The following SEC23B variants were observed in gnomAD, a reference collection of about 807,000 sequenced individuals.
SEC23B encodes protein transport protein Sec23B.
Under a neutral mutation model 104.3 loss-of-function variants are expected in SEC23B, and 77 were observed. The observed-to-expected ratio is 0.74, with a 90% CI of 0.61 to 0.89. SEC23B has a LOEUF of 0.89. Among genes scored for constraint, SEC23B ranks in the 40% least tolerant of loss-of-function variants. The pLI is 0.00. For missense variants in SEC23B, 885 were observed against 949.4 expected (o/e 0.93, Z 0.89); for synonymous variants, 338 against 332.5 (o/e 1.02, Z -0.18).
Position 18,524,384 on chromosome 20 carries a change from TTAAGTC to T in SEC23B, c.367-46_367-41del, listed in dbSNP as rs778176997. The T allele has an allele frequency of 8.7e-6, 12 of 1,385,932 alleles. No homozygotes were observed. The African/African-American group carries it at 1.6e-4, about 18-fold the overall frequency. The allele number at this position is 1,385,932 out of a possible 1,614,324, so 85.9% of individuals were successfully genotyped here. On this transcript the variant is annotated intron_variant, in intron 4 of 19. Coordinates refer to ENST00000650089, the MANE Select transcript of SEC23B (RefSeq NM_006363.6). The stretch of plus-strand genomic sequence containing the variant: ...CCTAATTTGCCTTAAAAAGTGCTGG[TTAAGTC>T]TATTTGTATATTGATCATTATGCTG...
chr20:18,547,713 TCTC>T (rs1326561080), intron 15 of SEC23B, among the ~76,000 whole-genome samples: 1 of 151,938 alleles, frequency 6.6e-6, no homozygotes, highest in African/African-American at 2.4e-5. Flanking sequence ...CTCTAGGAAG[TCTC>T]CTCCTGGCCC....
At chr20:18,549,483 GT>G (rs567867624) in intron 16 of SEC23B, among the ~76,000 whole-genome samples, 134 of 151,952 alleles carry the variant, frequency 8.8e-4, no homozygotes, top group Non-Finnish European at 1.7e-3. Context: ...TCCAAGATTG[GT>G]TGAATTTATA....
In SEC23B at chr20:18,548,741, T is replaced by C. The variant is rs750619093; in HGVS notation, c.1876T>C (p.Tyr626His). ...CCTCATCATGATCCAGCCCATTCTCTACTCTTACTCCTTTCATGGGCCACC... is the reference window on the plus strand; with the variant it reads ...CCTCATCATGATCCAGCCCATTCTCCACTCTTACTCCTTTCATGGGCCACC... Reference protein sequence around the residue: ...QSLIMIQPILYSYSFHGPPEP... With the variant: ...QSLIMIQPILHSYSFHGPPEP... The change falls in exon 16 of 20, where the codon TAC (tyrosine) becomes CAC (histidine). Residue 626 changes from tyrosine (Y) to histidine (H), a missense_variant. Transcript: ENST00000650089. 5.6e-6 allele frequency: 9 copies of C among 1,614,200 alleles called. No homozygotes were observed. Among genetic ancestry groups the C allele is most frequent in the Admixed American group, 1.7e-5 (1 of 60,032 alleles).
rs183360306 is a variant in SEC23B, at chr20:18,524,135, G to C, written c.367-298G>C. Among the ~76,000 whole-genome samples the C allele has an allele frequency of 1.6e-4, 24 of 152,296 alleles. No individual in the cohort carries two copies. The East Asian group carries it at 4.4e-3, about 28-fold the overall frequency. ...CATTCCAGAAAGTTTGCTCCTTGAG[G>C]CAGGTAGAAGTCTTTGTTTTTTCTG... On this transcript the variant is annotated intron_variant, in intron 4 of 19. Transcript: ENST00000650089.
intron 12 of SEC23B, among the ~76,000 whole-genome samples, chr20:18,538,166 A>C (rs539821399): frequency 1.4e-4 from 22 of 151,780 alleles, no homozygotes; most frequent in African/African-American, 5.1e-4. Flanking sequence ...CTGGTCTTGA[A>C]CTGACCTCAA....
chr20:18,540,379 C>CT (rs375769702), intron 12 of SEC23B, among the ~76,000 whole-genome samples: 129 of 152,130 alleles, frequency 8.5e-4, no homozygotes, highest in African/African-American at 3.0e-3. Flanking sequence ...TGAAAGGAGT[C>CT]TTTTTTTTCC....
At chr20:18,524,337 A>G in intron 4 of SEC23B, 96 bp from the exon 5 acceptor site, 1 of 870,420 alleles carries the variant, frequency 1.1e-6, no homozygotes, top group Non-Finnish European at 2.0e-6. Flanking sequence ...CTAAATATAG[A>G]TGAAGACTTA....
rs1039807271 is a variant in SEC23B at position 18,553,301 on chromosome 20, C to T, written c.1993-934C>T. On this transcript the variant is annotated intron_variant, in intron 17 of 19. Transcript: ENST00000650089. ...AATCACAGCATTTAGACCTGGAAAA[C>T]GGTAACTGCTACTTTGAGAAGGAGT... is the stretch of plus-strand genomic sequence containing the variant. Among the ~76,000 whole-genome samples the T allele has an allele frequency of 2.6e-5, 4 of 152,196 alleles. No individual in the cohort carries two copies. In the East Asian group the frequency reaches 5.8e-4, roughly 22 times the overall value.
intron 11 of SEC23B, among the ~76,000 whole-genome samples, chr20:18,535,305 G>T (rs2060219811): frequency 1.3e-5 from 2 of 151,776 alleles, no homozygotes; most frequent in Admixed American, 6.6e-5. Context: ...AACCCAGGAG[G>T]TCGAGGCTGC....
chr20:18,542,983 T>G, intron 13 of SEC23B, 36 bp from the exon 14 acceptor site: 1 of 1,613,868 alleles, frequency 6.2e-7, no homozygotes, highest in African/African-American at 1.3e-5. Flanking sequence ...TGATCTCTCC[T>G]AAACATAAGC....
In SEC23B at chr20:18,532,713, T is replaced by G; in HGVS notation, c.1283T>G (p.Leu428Arg). The G allele has an allele frequency of 6.2e-7, 1 of 1,613,930 alleles. No homozygotes were observed. The highest frequency in any genetic ancestry group is 8.5e-7 in the Non-Finnish European group (1 of 1,179,784). The change falls in exon 11 of 20, where the codon CTG becomes CGG. Residue 428 changes from leucine to arginine, a missense_variant. Physicochemically the swap from Leu to Arg is moderately radical, Grantham distance 102. Transcript: ENST00000650089. ...GGAGCCATTGGTCCATGCGTATCTCTGAATGTGAAAGGACCGTGTGTGTCA... is the reference window on the plus strand; with the variant it reads ...GGAGCCATTGGTCCATGCGTATCTCGGAATGTGAAAGGACCGTGTGTGTCA... ...IAGAIGPCVSLNVKGPCVSEN... is the reference protein window; with the variant it reads ...IAGAIGPCVSRNVKGPCVSEN...
At chr20:18,552,439 C>T (rs1235816000) in intron 17 of SEC23B, among the ~76,000 whole-genome samples, 1 of 152,116 alleles carries the variant, frequency 6.6e-6, no homozygotes, top group Non-Finnish European at 1.5e-5. Flanking sequence ...CCTCTGTATC[C>T]ACGGGTTCCA....
Position 18,542,376 on chromosome 20 carries a change from C to T in SEC23B, c.1485C>T (p.Arg495=). 9 of 1,614,228 alleles carry T rather than the reference C, an allele frequency of 5.6e-6. No individual in the cohort carries two copies. The highest frequency in any genetic ancestry group is 6.8e-6 in the Non-Finnish European group (8 of 1,180,026). The change falls in exon 13 of 20, where the codon CGC becomes CGT. Residue 495 remains arginine, a synonymous_variant. Transcript: ENST00000650089. The part of the protein sequence containing the change: ...THYQHSSTQR[R]IRVTTIARNW... ...ATCAGCACTCCAGCACCCAGAGACG[C>T]ATCCGCGTGACCACCATCGCCCGAA...
At chr20:18,531,561 C>G (rs1453723989) in intron 10 of SEC23B, among the ~76,000 whole-genome samples, 12 of 145,472 alleles carry the variant, frequency 8.2e-5, no homozygotes, top group African/African-American at 3.1e-4. Context: ...GAGGCTGAGG[C>G]AGGAGAATGG....
At chr20:18,554,959 CAGTAAAACAATTCTAATTAGATTACT>C in intron 18 of SEC23B, 123 bp from the exon 19 acceptor site, 5 of 82,938 alleles carry the variant, frequency 6.0e-5, no homozygotes, top group Non-Finnish European at 7.0e-5. Context: ...GATTACTGTG[CAGTAAAACAATTCTAATTAGATTACT>C]GTGCAGTAAA....
chr20:18,512,720 G>A (rs949670780), intron 3 of SEC23B, among the ~76,000 whole-genome samples: 1 of 152,122 alleles, frequency 6.6e-6, no homozygotes. Flanking sequence ...TACCAAACTA[G>A]AAGGAGCTCA....
chr20:18,550,569 C>T (rs971912827), intron 16 of SEC23B, among the ~76,000 whole-genome samples: 1 of 152,180 alleles, frequency 6.6e-6, no homozygotes, highest in Non-Finnish European at 1.5e-5. Flanking sequence ...TGCTAAAATA[C>T]ATACAAAACT....
intron 4 of SEC23B, 30 bp from the exon 5 acceptor site, chr20:18,524,403 G>C: frequency 6.6e-7 from 1 of 1,506,832 alleles, no homozygotes; most frequent in Non-Finnish European, 9.2e-7. Flanking sequence ...TTTGTATATT[G>C]ATCATTATGC....
At chr20:18,560,513 C>T (rs2060482440) in intron 19 of SEC23B, 138 bp from the exon 20 acceptor site, 2 of 722,902 alleles carry the variant, frequency 2.8e-6, no homozygotes, top group Non-Finnish European at 5.0e-6. Context: ...GTTCGTGAGG[C>T]AGAGGATGGG....
Sources: allele counts gnomAD v4.1 joint callset (sites outside exome capture counted in the v4.1 genomes callset), GRCh38; gene constraint gnomAD v4.1.1; transcripts MANE v1.5; gene names NCBI Gene and HGNC (gene_info 2026-07-23, HGNC 2026-07-21).